The following SNTG2 variants were observed in gnomAD, a reference collection of about 807,000 sequenced individuals.
The protein encoded by SNTG2 is syntrophin gamma 2.
A neutral mutation model predicts 70.9 loss-of-function variants in SNTG2; 74 were observed. That is an observed-to-expected ratio of 1.04 (90% CI 0.86 to 1.27). SNTG2 has a LOEUF of 1.27. Among genes scored for constraint, SNTG2 ranks in the 50% most tolerant of loss-of-function variants. The pLI, the probability that SNTG2 is intolerant of heterozygous loss-of-function variation, is 0.00. For missense variants in SNTG2, 717 were observed against 690.7 expected (o/e 1.04, Z -0.43); for synonymous variants, 278 against 273.8 (o/e 1.02, Z -0.15).
Position 1,173,291 on chromosome 2 carries a change from T to C in SNTG2, c.591+108T>C. The C allele has an allele frequency of 1.1e-5, 12 of 1,049,980 alleles. No individual in the cohort carries two copies. The South Asian group carries it at 1.7e-4, about 15-fold the overall frequency. The allele number at this position is 1,049,980 out of a possible 1,614,324, so 65.0% of individuals were successfully genotyped here. ...ATGCTGTACTGCCCAGTGAAGATAA[T>C]TGTGTTAGTTTCAGAGGAAATACTT... On this transcript the variant is annotated intron_variant, in intron 8 of 16. Transcript: ENST00000308624.
intron 1 of SNTG2, among the ~76,000 whole-genome samples, chr2:1,016,370 T>C (rs548956359): frequency 3.3e-5 from 5 of 152,292 alleles, no homozygotes; most frequent in Admixed American, 3.3e-4. Context: ...GCCTCCTGGG[T>C]AGCTGAGATT....
At chr2:1,081,081 C>T (rs1037636817) in intron 1 of SNTG2, among the ~76,000 whole-genome samples, 12 of 152,110 alleles carry the variant, frequency 7.9e-5, no homozygotes, top group Admixed American at 2.6e-4. Context: ...TTCTCTTTTA[C>T]GGCAAACAGG....
chr2:1,103,677 C>T (rs1040099336), intron 4 of SNTG2, among the ~76,000 whole-genome samples: 3 of 152,258 alleles, frequency 2.0e-5, no homozygotes, highest in Non-Finnish European at 4.4e-5. Flanking sequence ...CGTGAGCCAC[C>T]GCGCCTGGCC....
chr2:971,209 A>G (rs1307058666), intron 1 of SNTG2, among the ~76,000 whole-genome samples: 1 of 152,186 alleles, frequency 6.6e-6, no homozygotes, highest in Non-Finnish European at 1.5e-5. Flanking sequence ...TTTCATTAGG[A>G]ATGATACCAG....
At chr2:1,310,687 C>T (rs1438525576) in intron 15 of SNTG2, among the ~76,000 whole-genome samples, 2 of 152,098 alleles carry the variant, frequency 1.3e-5, no homozygotes, top group Non-Finnish European at 2.9e-5. Context: ...CATCACCATC[C>T]TTCTCCGGAG....
intron 13 of SNTG2, among the ~76,000 whole-genome samples, chr2:1,265,618 C>CA (rs1043400214): frequency 2.0e-5 from 3 of 152,244 alleles, no homozygotes; most frequent in Admixed American, 2.0e-4. Flanking sequence ...GCTTTTACCT[C>CA]AAACCTGTGC....
chr2:1,274,863 A>C (rs564623190), intron 14 of SNTG2, among the ~76,000 whole-genome samples: 62 of 152,348 alleles, frequency 4.1e-4, no homozygotes, highest in African/African-American at 1.4e-3. Flanking sequence ...GCTGTAACAG[A>C]ATAGCTGAGG....
chr2:1,063,509 C>T (rs186069549), intron 1 of SNTG2, among the ~76,000 whole-genome samples: 26 of 152,200 alleles, frequency 1.7e-4, no homozygotes, highest in African/African-American at 5.8e-4. Flanking sequence ...TGGTAAAATG[C>T]GGTGTAAGAA....
chr2:1,366,728 C>T (rs546487200), intron 16 of SNTG2, among the ~76,000 whole-genome samples: 1 of 152,088 alleles, frequency 6.6e-6, no homozygotes, highest in South Asian at 2.1e-4. Flanking sequence ...TCCTCCCAAG[C>T]GTGGCCTTGG....
At chr2:1,089,177 T>C (rs1664863792) in intron 2 of SNTG2, among the ~76,000 whole-genome samples, 1 of 152,214 alleles carries the variant, frequency 6.6e-6, no homozygotes, top group Non-Finnish European at 1.5e-5. Flanking sequence ...ATCACTTGGA[T>C]AGTGGCCGAC....
intron 6 of SNTG2, among the ~76,000 whole-genome samples, chr2:1,150,036 C>T (rs1474733615): frequency 6.6e-6 from 1 of 152,206 alleles, no homozygotes; most frequent in East Asian, 1.9e-4. Flanking sequence ...TAAAATTGCA[C>T]TCACAGATGA....
At chr2:1,180,388 C>T in intron 8 of SNTG2, among the ~76,000 whole-genome samples, 1 of 132,708 alleles carries the variant, frequency 7.5e-6, no homozygotes. Flanking sequence ...ACAAACAACC[C>T]CATCAAAAAG....
chr2:1,092,701 G>A (rs1433941774), intron 2 of SNTG2, among the ~76,000 whole-genome samples: 5 of 152,170 alleles, frequency 3.3e-5, no homozygotes, highest in Non-Finnish European at 7.4e-5. Context: ...TAAGAAATAT[G>A]ATCTTATATA....
At chr2:1,180,191 G>A (rs1175548257) in intron 8 of SNTG2, among the ~76,000 whole-genome samples, 1 of 122,660 alleles carries the variant, frequency 8.2e-6, no homozygotes, top group African/African-American at 3.0e-5. Flanking sequence ...CAAAAGCAAT[G>A]GCAACAAAAG....
chr2:980,837 G>T (rs986401601), intron 1 of SNTG2, among the ~76,000 whole-genome samples: 3 of 152,154 alleles, frequency 2.0e-5, no homozygotes, highest in Non-Finnish European at 4.4e-5. Context: ...GATAATAAAG[G>T]ATAGTAGCTT....
intron 1 of SNTG2, among the ~76,000 whole-genome samples, chr2:961,894 C>A (rs544654031): frequency 1.3e-5 from 2 of 152,342 alleles, no homozygotes; most frequent in Admixed American, 1.3e-4. Context: ...AGAAAACACA[C>A]TGGTGTGCAC....
chr2:1,031,528 A>ATTTTTTTT (rs745388505), intron 1 of SNTG2, among the ~76,000 whole-genome samples: 24 of 59,100 alleles, frequency 4.1e-4, no homozygotes, highest in Non-Finnish European at 5.7e-4. Flanking sequence ...ATATATATAT[A>ATTTTTTTT]TTTTTTTTTT....
chr2:1,186,865 C>G (rs1672284473), intron 8 of SNTG2, among the ~76,000 whole-genome samples: 1 of 152,164 alleles, frequency 6.6e-6, no homozygotes, highest in African/African-American at 2.4e-5. Flanking sequence ...ACTCACATGA[C>G]TGCAAAAATT....
At chr2:1,362,504 G>A (rs868855665) in intron 16 of SNTG2, among the ~76,000 whole-genome samples, 3 of 151,380 alleles carry the variant, frequency 2.0e-5, no homozygotes, top group African/African-American at 4.9e-5. Flanking sequence ...GGTCACCGAC[G>A]CTGAGCATTT....
Sources: gnomAD v4.1 joint callset for allele counts (sites outside exome capture counted in the v4.1 genomes callset) on GRCh38, gnomAD v4.1.1 for gene constraint, MANE v1.5 for transcripts, NCBI Gene and HGNC (gene_info 2026-07-23, HGNC 2026-07-21) for gene names.